The following STON2 variants were observed in gnomAD, a reference collection of about 807,000 sequenced individuals.
STON2 encodes stonin-2.
In STON2, 29 loss-of-function variants were observed where a neutral mutation model predicts 65.7. The observed-to-expected ratio is 0.44, with a 90% CI of 0.33 to 0.60. The LOEUF (loss-of-function observed/expected upper bound fraction) is 0.60, where lower values mean the gene tolerates loss of function less well. Among genes scored for constraint, STON2 ranks in the 20% least tolerant of loss-of-function variants. The pLI is 0.03. For missense variants in STON2, 1,054 were observed against 1,118.1 expected (o/e 0.94, Z 0.82); for synonymous variants, 404 against 414.2 (o/e 0.98, Z 0.30).
intron 5 of STON2, among the ~76,000 whole-genome samples, chr14:81,303,068 G>A (rs1437911752): frequency 6.6e-6 from 1 of 151,780 alleles, no homozygotes; most frequent in Non-Finnish European, 1.5e-5. Flanking sequence ...GGGTGTGTGT[G>A]TGTGTGTGTG....
At chr14:81,357,495 T>C (rs944534025) in intron 4 of STON2, among the ~76,000 whole-genome samples, 2 of 150,804 alleles carry the variant, frequency 1.3e-5, no homozygotes, top group African/African-American at 4.9e-5. Context: ...AGTGTGGCGA[T>C]TCCTCAGGGA....
At chr14:81,292,492 C>A (rs977608991) in intron 5 of STON2, among the ~76,000 whole-genome samples, 9 of 152,122 alleles carry the variant, frequency 5.9e-5, no homozygotes, top group Non-Finnish European at 1.0e-4. Context: ...GCAAGTTACC[C>A]CTGTGCTGTT....
upstream of STON2, among the ~76,000 whole-genome samples, chr14:81,401,892 T>G (rs1177076666): frequency 1.3e-5 from 2 of 152,158 alleles, no homozygotes; most frequent in Admixed American, 1.3e-4. Context: ...TGGAACCATA[T>G]GGGACTGGGT....
At chr14:81,283,827 C>T (rs563054602) in intron 5 of STON2, among the ~76,000 whole-genome samples, 108 of 152,352 alleles carry the variant, frequency 7.1e-4, no homozygotes, top group Admixed American at 2.0e-3. Flanking sequence ...CTGTACCCAG[C>T]AGATACTGCA....
intron 5 of STON2, among the ~76,000 whole-genome samples, chr14:81,287,882 C>T (rs1895400225): frequency 6.6e-6 from 1 of 152,090 alleles, no homozygotes; most frequent in South Asian, 2.1e-4. Flanking sequence ...TTTCTGATAT[C>T]CGTTTCTTGG....
At chr14:81,298,424 G>GGGAA (rs200117715) in intron 5 of STON2, among the ~76,000 whole-genome samples, 1 of 145,514 alleles carries the variant, frequency 6.9e-6, no homozygotes, top group Non-Finnish European at 1.5e-5. Flanking sequence ...TGGGGGGGGG[G>GGGAA]AATCACAGAA....
At chr14:81,358,698 T>TA (rs1355118419) in intron 4 of STON2, among the ~76,000 whole-genome samples, 1 of 152,122 alleles carries the variant, frequency 6.6e-6, no homozygotes, top group Non-Finnish European at 1.5e-5. Flanking sequence ...TGGAAAAAGA[T>TA]ACTCCACACA....
rs1185252274 is a variant in STON2, at chr14:81,264,006, A to G, written c.*4408T>C. On this transcript the variant is annotated 3_prime_UTR_variant, in exon 8 of 8. Coordinates refer to ENST00000614646, the MANE Select transcript of STON2 (RefSeq NM_001394390.1). ...AGTAACGGTCAGCGGTTAGTGCTGGAAGAACAAAGACCTACTGCATGAAGA... is the reference window on the plus strand; with the variant it reads ...AGTAACGGTCAGCGGTTAGTGCTGGGAGAACAAAGACCTACTGCATGAAGA... The G allele has an allele frequency of 1.2e-5, 12 of 985,290 alleles. No homozygotes were observed. In the South Asian group the frequency reaches 3.3e-4, roughly 27 times the overall value. The allele number at this position is 985,290 out of a possible 1,614,324, so 61.0% of individuals were successfully genotyped here. A position where few individuals can be genotyped will look rare whatever the true frequency, so the allele number is the denominator to read the frequency against.
At chr14:81,379,283 A>G (rs934524522) in intron 3 of STON2, among the ~76,000 whole-genome samples, 2 of 152,024 alleles carry the variant, frequency 1.3e-5, no homozygotes, top group Non-Finnish European at 1.5e-5. Flanking sequence ...AATAGCAACA[A>G]TAAGTATGAA....
At position 81,278,451 on chromosome 14, in the gene STON2, G is replaced by A. The variant is rs1894963813; in HGVS notation, c.1031C>T (p.Ser344Phe). Residue 344 changes from serine to phenylalanine, a missense_variant, in exon 6 of 8, where the codon TCC (serine) becomes TTC (phenylalanine). Physicochemically the swap from Ser to Phe is radical, Grantham distance 155. Transcript: ENST00000614646. ...GGAAATATCCAGCTTCTGAACTTTGGAGAAGTTCATCAAAGTGCTCTTGGG... is the reference window on the plus strand; with the variant it reads ...GGAAATATCCAGCTTCTGAACTTTGAAGAAGTTCATCAAAGTGCTCTTGGG... ...DRPKSTLMNF[S>F]KVQKLDISSL... The A allele has an allele frequency of 6.2e-7, 1 of 1,614,188 alleles. No homozygotes were observed.
At chr14:81,276,393 GA>G (rs1413307352) in intron 6 of STON2, among the ~76,000 whole-genome samples, 1 of 122,710 alleles carries the variant, frequency 8.1e-6, no homozygotes, top group Non-Finnish European at 2.0e-5. Context: ...CCCAGTCCCA[GA>G]GCCAAAGTCT....
intron 2 of STON2, among the ~76,000 whole-genome samples, chr14:81,422,434 A>G (rs1228398461): frequency 6.6e-6 from 1 of 152,170 alleles, no homozygotes; most frequent in Non-Finnish European, 1.5e-5. Flanking sequence ...CCGCAGAACT[A>G]TGAGCCAAAT....
At chr14:81,304,534 C>T (rs1003577447) in intron 5 of STON2, among the ~76,000 whole-genome samples, 1 of 152,056 alleles carries the variant, frequency 6.6e-6, no homozygotes, top group Admixed American at 6.5e-5. Context: ...ACCAGCCTGG[C>T]CAACATGGTG....
intron 5 of STON2, among the ~76,000 whole-genome samples, chr14:81,293,910 T>A (rs1266120814): frequency 1.3e-5 from 2 of 152,132 alleles, no homozygotes; most frequent in Non-Finnish European, 2.9e-5. Context: ...AAATGGTGGG[T>A]TTTTTTCTTC....
intron 3 of STON2, among the ~76,000 whole-genome samples, chr14:81,392,460 AT>A (rs1900124832): frequency 1.3e-5 from 2 of 152,076 alleles, no homozygotes; most frequent in African/African-American, 4.8e-5. Flanking sequence ...GTGAGCCTGA[AT>A]TTTCATGGCT....
intron 4 of STON2, among the ~76,000 whole-genome samples, chr14:81,350,942 A>T (rs1008714101): frequency 6.6e-6 from 1 of 152,210 alleles, no homozygotes; most frequent in Non-Finnish European, 1.5e-5. Context: ...AGATTCAGTG[A>T]GCAATTTCTA....
chr14:81,328,637 C>T (rs1232844492), intron 4 of STON2, among the ~76,000 whole-genome samples: 2 of 152,154 alleles, frequency 1.3e-5, no homozygotes, highest in Non-Finnish European at 1.5e-5. Context: ...AAATCTCATA[C>T]TGAAATTGGA....
At chr14:81,362,120 C>T (rs1454133714) in intron 4 of STON2, among the ~76,000 whole-genome samples, 2 of 152,130 alleles carry the variant, frequency 1.3e-5, no homozygotes, top group African/African-American at 2.4e-5. Context: ...ATCCAGCAAT[C>T]CCAGTTCTGG....
At chr14:81,376,731 A>G (rs1595415337) in intron 3 of STON2, among the ~76,000 whole-genome samples, 1 of 152,202 alleles carries the variant, frequency 6.6e-6, no homozygotes, top group East Asian at 1.9e-4. Flanking sequence ...TCATGGACAT[A>G]GGTAAAAGGA....
Sources: gnomAD v4.1 joint callset for allele counts (sites outside exome capture counted in the v4.1 genomes callset) on GRCh38, gnomAD v4.1.1 for gene constraint, MANE v1.5 for transcripts, NCBI Gene and HGNC (gene_info 2026-07-23, HGNC 2026-07-21) for gene names.